The following DLG2 variants were observed in gnomAD, a reference collection of about 807,000 sequenced individuals.
DLG2 encodes disks large homolog 2.
DLG2 carries 45 observed loss-of-function variants against 132.5 expected under a neutral mutation model. The observed-to-expected ratio is 0.34, with a 90% CI of 0.27 to 0.44. The LOEUF (loss-of-function observed/expected upper bound fraction) is 0.44, where lower values mean the gene tolerates loss of function less well. DLG2 is among the 20% of genes least tolerant of loss of function. The pLI, the probability that DLG2 is intolerant of heterozygous loss-of-function variation, is 1.00. For synonymous variants in DLG2, 424 were observed against 419.6 expected (o/e 1.01, Z -0.13); for missense variants, 1,045 against 1,196.9 (o/e 0.87, Z 1.87).
intron 3 of DLG2, among the ~76,000 whole-genome samples, chr11:85,520,316 G>A (rs1045229605): frequency 1.3e-4 from 20 of 152,090 alleles, no homozygotes; most frequent in Non-Finnish European, 2.1e-4. Flanking sequence ...TAATGAGAAC[G>A]ATAAAACATT....
intron 7 of DLG2, among the ~76,000 whole-genome samples, chr11:84,408,252 A>G (rs1277554580): frequency 6.6e-6 from 1 of 152,154 alleles, no homozygotes; most frequent in African/African-American, 2.4e-5. Flanking sequence ...ATGTCTTTAT[A>G]AAAAATAATG....
chr11:84,495,875 C>T (rs933929803), intron 7 of DLG2, among the ~76,000 whole-genome samples: 1 of 152,124 alleles, frequency 6.6e-6, no homozygotes, highest in Non-Finnish European at 1.5e-5. Context: ...TAAACGGGCA[C>T]AATGTCAGAG....
In DLG2 at chr11:85,017,205, A is replaced by G. The variant is rs1268282422; in HGVS notation, c.357+94456T>C. Among the ~76,000 whole-genome samples the G allele has an allele frequency of 6.6e-5, 10 of 152,184 alleles. 1 individual carries two copies. In the South Asian group the frequency reaches 1.7e-3, roughly 25 times the overall value. ...AAATCTTTTCCTTCAGCCTGTAAATATGGTCAACTATGTTCTAGTCTAAAA... is the reference window on the plus strand; with the variant it reads ...AAATCTTTTCCTTCAGCCTGTAAATGTGGTCAACTATGTTCTAGTCTAAAA... On this transcript the variant is annotated intron_variant, in intron 6 of 27. Transcript: ENST00000376104.
At chr11:83,603,832 T>C (rs577035612) in intron 19 of DLG2, among the ~76,000 whole-genome samples, 30 of 152,368 alleles carry the variant, frequency 2.0e-4, no homozygotes, top group Non-Finnish European at 4.0e-4. Context: ...TGTTTGAATC[T>C]TTCTGATTGC....
intron 11 of DLG2, among the ~76,000 whole-genome samples, chr11:84,018,800 T>C (rs937844069): frequency 1.3e-5 from 2 of 151,178 alleles, no homozygotes; most frequent in Non-Finnish European, 3.0e-5. Context: ...AAATAAAATA[T>C]AGAGTGGAAT....
intron 6 of DLG2, among the ~76,000 whole-genome samples, chr11:84,599,272 T>C (rs1253809887): frequency 6.6e-6 from 1 of 151,950 alleles, no homozygotes; most frequent in Non-Finnish European, 1.5e-5. Flanking sequence ...ATATGATAAA[T>C]CAGATCTCAG....
intron 7 of DLG2, among the ~76,000 whole-genome samples, chr11:84,300,732 A>G (rs2098142124): frequency 6.6e-6 from 1 of 152,234 alleles, no homozygotes; most frequent in Non-Finnish European, 1.5e-5. Flanking sequence ...TAATTACCAA[A>G]TAAAAGCAAA....
At chr11:84,468,335 C>G (rs2099099980) in intron 7 of DLG2, among the ~76,000 whole-genome samples, 1 of 151,366 alleles carries the variant, frequency 6.6e-6, no homozygotes, top group African/African-American at 2.4e-5. Context: ...TTGGCTAGTT[C>G]TGAATTTCCC....
rs1390072642 is a variant in DLG2, at chr11:83,467,988, A to G, written c.2620-1171T>C. On this transcript the variant is annotated intron_variant, in intron 25 of 27. Transcript: ENST00000376104. ...CTCATTTAACTTGGCTTCCACCACA[A>G]TGAGTGCTCAGAGCAAGCAGCTGCT... 2.0e-5 allele frequency among the ~76,000 whole-genome samples: 3 copies of G among 151,790 alleles called. No homozygotes were observed. The East Asian group carries it at 5.8e-4, about 29-fold the overall frequency.
chr11:84,545,632 G>C (rs1420456323), intron 6 of DLG2: 2 of 314,826 alleles, frequency 6.4e-6, no homozygotes, highest in African/African-American at 2.2e-5. Context: ...TATTCATAGA[G>C]TCATGGTCCT....
At chr11:84,540,556 G>A (rs898481203) in intron 6 of DLG2, among the ~76,000 whole-genome samples, 20 of 152,112 alleles carry the variant, frequency 1.3e-4, no homozygotes, top group African/African-American at 3.4e-4. Flanking sequence ...TGCTGGAGAC[G>A]ATGTGGAGAA....
At chr11:84,808,846 C>T (rs543867481) in intron 6 of DLG2, among the ~76,000 whole-genome samples, 1 of 151,798 alleles carries the variant, frequency 6.6e-6, no homozygotes, top group Non-Finnish European at 1.5e-5. Context: ...AATCTTTAGG[C>T]TCAGATGATT....
At chr11:84,020,335 G>A (rs1292954734) in intron 11 of DLG2, among the ~76,000 whole-genome samples, 1 of 152,006 alleles carries the variant, frequency 6.6e-6, no homozygotes, top group Non-Finnish European at 1.5e-5. Flanking sequence ...AGATATAGAT[G>A]ATATGTGTGT....
In DLG2 at chr11:84,653,579, T is replaced by G. The variant is rs1367066614; in HGVS notation, c.358-118848A>C. 3.3e-5 allele frequency among the ~76,000 whole-genome samples: 5 copies of G among 152,172 alleles called. 1 individual carries two copies. The highest frequency in any genetic ancestry group is 2.6e-4 in the Admixed American group (4 of 15,280). On this transcript the variant is annotated intron_variant, in intron 6 of 27. Coordinates refer to ENST00000376104, the MANE Select transcript of DLG2 (RefSeq NM_001142699.3). ...AGTCTCTTACATGGTCACCTTGAAC[T>G]GCCCTCACATGTGCCAGCTCCTGTT...
intron 11 of DLG2, among the ~76,000 whole-genome samples, chr11:84,050,558 A>G (rs952486951): frequency 6.6e-6 from 1 of 151,896 alleles, no homozygotes; most frequent in Non-Finnish European, 1.5e-5. Flanking sequence ...TTTTGTTGCC[A>G]TTGCTTTTGG....
chr11:84,350,947 T>G (rs557561049), intron 7 of DLG2, among the ~76,000 whole-genome samples: 28 of 152,252 alleles, frequency 1.8e-4, no homozygotes, highest in African/African-American at 6.5e-4. Context: ...CCTCCCCTTT[T>G]CAATGTAAAA....
At position 85,106,537 on chromosome 11, in the gene DLG2, T is replaced by G. The variant is rs535958446; in HGVS notation, c.357+5124A>C. Among the ~76,000 whole-genome samples the G allele has an allele frequency of 9.2e-5, 14 of 152,068 alleles. No homozygotes were observed. The East Asian group carries it at 1.9e-3, about 21-fold the overall frequency. On this transcript the variant is annotated intron_variant, in intron 6 of 27. Coordinates refer to ENST00000376104, the MANE Select transcript of DLG2 (RefSeq NM_001142699.3). The stretch of plus-strand genomic sequence containing the variant: ...TGGGTTATTGTCTGTTTTTTACGCT[T>G]TTTCTCACCAATTTATCCTGTCCCA...
At chr11:84,155,056 A>G (rs1215815458) in intron 9 of DLG2, among the ~76,000 whole-genome samples, 2 of 152,224 alleles carry the variant, frequency 1.3e-5, no homozygotes, top group Non-Finnish European at 2.9e-5. Flanking sequence ...AAGAACTCAT[A>G]CAAATTTACA....
chr11:84,745,852 A>AT (rs951990475), intron 6 of DLG2, among the ~76,000 whole-genome samples: 3 of 152,240 alleles, frequency 2.0e-5, no homozygotes, highest in African/African-American at 7.2e-5. Flanking sequence ...GATGAACTGC[A>AT]TTTAATAAAT....
Sources: gnomAD v4.1 joint callset for allele counts (sites outside exome capture counted in the v4.1 genomes callset) on GRCh38, gnomAD v4.1.1 for gene constraint, MANE v1.5 for transcripts, NCBI Gene and HGNC (gene_info 2026-07-23, HGNC 2026-07-21) for gene names.